Variants in PALLD observed in about 807,000 individuals in gnomAD.
PALLD encodes palladin.
PALLD carries 61 observed loss-of-function variants against 123.5 expected under a neutral mutation model. That is an observed-to-expected ratio of 0.49 (90% CI 0.40 to 0.61). The LOEUF (loss-of-function observed/expected upper bound fraction) is 0.61, where lower values mean the gene tolerates loss of function less well. PALLD is among the 20% of genes least tolerant of loss of function. The probability of loss-of-function intolerance (pLI) is 0.00; values close to 1 mark genes in which losing one functional copy is unlikely to be tolerated. For missense variants in PALLD, 1,273 were observed against 1,377.0 expected, an observed-to-expected ratio of 0.92 and a Z score of 1.20; for synonymous variants, 465 against 496.4, an observed-to-expected ratio of 0.94 and a Z score of 0.84.
Position 168,711,766 on chromosome 4 carries a change from T to G in PALLD, c.1807T>G (p.Phe603Val), listed in dbSNP as rs1489877952. The G allele has an allele frequency of 1.2e-6, 2 of 1,613,992 alleles. No homozygotes were observed. Among genetic ancestry groups the G allele is most frequent in the Non-Finnish European group, 1.7e-6 (2 of 1,180,036 alleles). ...GAGCAGGGCAGCCCTTCAAATGCAA[T>G]TCAATGCTGCTGAGAGGGAAACGAA... is the stretch of plus-strand genomic sequence containing the variant. ...GLSRAALQMQ[F>V]NAAERETNGV... The change falls in exon 10 of 22, where the codon TTC (phenylalanine) becomes GTC (valine). Residue 603 changes from phenylalanine to valine, a missense_variant. By Grantham distance (50) the Phe-to-Val change is conservative. Around this residue, in one of 2 missense-constraint regions of PALLD, gnomAD observed 944 missense variants for 954.5 expected, o/e 0.99. Transcript: ENST00000505667.
chr4:168,657,244 CT>C (rs1194605058), intron 2 of PALLD, among the ~76,000 whole-genome samples: 2 of 152,212 alleles, frequency 1.3e-5, no homozygotes, highest in Non-Finnish European at 2.9e-5. Flanking sequence ...TGGCACAGAG[CT>C]CTAAAAAGTT....
At chr4:168,841,177 G>A (rs555878190) in intron 10 of PALLD, among the ~76,000 whole-genome samples, 2 of 152,300 alleles carry the variant, frequency 1.3e-5, no homozygotes, top group East Asian at 1.9e-4. Context: ...GAATTAACAT[G>A]TATAAAGGTT....
intron 10 of PALLD, among the ~76,000 whole-genome samples, chr4:168,835,731 C>T (rs1745086572): frequency 1.3e-5 from 2 of 152,022 alleles, no homozygotes; most frequent in Admixed American, 6.6e-5. Flanking sequence ...CATAGTCTCG[C>T]TCTGTCACCC....
chr4:168,681,095 G>A (rs146614118), intron 3 of PALLD, among the ~76,000 whole-genome samples: 1 of 152,206 alleles, frequency 6.6e-6, no homozygotes, highest in Non-Finnish European at 1.5e-5. Flanking sequence ...TAATAAATCT[G>A]TCATTAAAAG....
intron 10 of PALLD, among the ~76,000 whole-genome samples, chr4:168,823,063 A>G (rs567632684): frequency 6.6e-6 from 1 of 152,216 alleles, no homozygotes; most frequent in East Asian, 1.9e-4. Context: ...ATTATATTTT[A>G]TAGTTGTATT....
chr4:168,873,183 A>G (rs796499485), intron 10 of PALLD, among the ~76,000 whole-genome samples: 56 of 152,312 alleles, frequency 3.7e-4, no homozygotes, highest in African/African-American at 1.3e-3. Context: ...AGAAATTTAT[A>G]TCATTGTTGT....
intron 2 of PALLD, among the ~76,000 whole-genome samples, chr4:168,560,621 GT>G (rs1453771090): frequency 1.8e-4 from 27 of 152,298 alleles, no homozygotes; most frequent in Non-Finnish European, 1.6e-4. Flanking sequence ...AGCAGTCTCT[GT>G]CCCCATAGTA....
chr4:168,881,882 G>T (rs994456067), intron 10 of PALLD, among the ~76,000 whole-genome samples: 1 of 152,180 alleles, frequency 6.6e-6, no homozygotes, highest in African/African-American at 2.4e-5. Context: ...CAGGCATAGT[G>T]TGGCAGTTCT....
At chr4:168,540,637 T>A (rs1472996413) in intron 2 of PALLD, among the ~76,000 whole-genome samples, 1 of 152,222 alleles carries the variant, frequency 6.6e-6, no homozygotes, top group East Asian at 1.9e-4. Context: ...TTTACATTCT[T>A]CTTTATTTTT....
At chr4:168,740,079 A>G (rs983180544) in intron 10 of PALLD, among the ~76,000 whole-genome samples, 1 of 152,154 alleles carries the variant, frequency 6.6e-6, no homozygotes, top group Non-Finnish European at 1.5e-5. Flanking sequence ...AAAAAATGAC[A>G]CATGCCATTT....
intron 17 of PALLD, among the ~76,000 whole-genome samples, chr4:168,919,340 A>G (rs1454911498): frequency 6.6e-6 from 1 of 152,098 alleles, no homozygotes; most frequent in Non-Finnish European, 1.5e-5. Context: ...CCTGGCCAAC[A>G]TGGTGAAACC....
rs1322849372 is a variant in PALLD, at chr4:168,511,885, G to A, written c.381G>A (p.Leu127=). ...VSKRKPAMSP[L]LTRPSYIRSL... ...AGAGGAAACCTGCCATGTCACCCCT[G>A]CTCACCAGGCCCAGCTACATCCGGA... Residue 127 remains leucine, a synonymous_variant, in exon 2 of 22, where the codon CTG becomes CTA. Transcript: ENST00000505667. The A allele has an allele frequency of 6.2e-7, 1 of 1,614,108 alleles. No individual in the cohort carries two copies. Among genetic ancestry groups the A allele is most frequent in the South Asian group, 1.1e-5 (1 of 91,082 alleles).
intron 2 of PALLD, among the ~76,000 whole-genome samples, chr4:168,554,116 G>A (rs1465214661): frequency 6.6e-6 from 1 of 152,098 alleles, no homozygotes; most frequent in Non-Finnish European, 1.5e-5. Flanking sequence ...GACATCCTTC[G>A]GCTTGTACAT....
chr4:168,860,066 T>C (rs1020351982), intron 10 of PALLD, among the ~76,000 whole-genome samples: 1 of 152,224 alleles, frequency 6.6e-6, no homozygotes, highest in Non-Finnish European at 1.5e-5. Flanking sequence ...GCTACCATAG[T>C]GGGACAGTGC....
At chr4:168,748,862 T>C (rs1400188600) in intron 10 of PALLD, among the ~76,000 whole-genome samples, 1 of 152,232 alleles carries the variant, frequency 6.6e-6, no homozygotes, top group East Asian at 1.9e-4. Flanking sequence ...TGCTGCTTCT[T>C]CAAGGCTTTC....
chr4:168,805,156 GAA>G (rs11311537), intron 10 of PALLD, among the ~76,000 whole-genome samples: 49 of 147,494 alleles, frequency 3.3e-4, no homozygotes, highest in African/African-American at 8.7e-4. Context: ...AAACTCTAAA[GAA>G]AAAAAAAAAG....
rs1554088403 is a variant in PALLD at position 168,816,413 on chromosome 4, A to ATTTT, written c.1965-74504_1965-74501dup. Among the ~76,000 whole-genome samples, 138 of 135,990 alleles carry ATTTT rather than the reference A, an allele frequency of 1.0e-3. 1 individual carries two copies. Among genetic ancestry groups the ATTTT allele is most frequent in the African/African-American group, 2.9e-3 (96 of 33,186 alleles). 89.2% of individuals were successfully genotyped at this position (135,990 alleles called of 152,430 possible). On this transcript the variant is annotated intron_variant, in intron 10 of 21. Transcript: ENST00000505667. ...TGTATATATATATATATATATATATATTTTTTTTAAGTATTAGATTGGAGT... is the reference window on the plus strand; with the variant it reads ...TGTATATATATATATATATATATATATTTTTTTTTTTTAAGTATTAGATTGGAGT...
chr4:168,921,713 C>G lies in PALLD; in HGVS notation c.3030C>G (p.Asn1010Lys). The G allele has an allele frequency of 6.2e-7, 1 of 1,611,612 alleles. No homozygotes were observed. The highest frequency in any genetic ancestry group is 1.1e-5 in the South Asian group (1 of 90,964). ...TAGCTACCAACCGAGCAGGACAGAA[C>G]TCATTCAGCCTGGAGCTTGTGGTTG... ...TCIATNRAGQ[N>K]SFSLELVVAA... Residue 1010 changes from asparagine (N) to lysine (K), a missense_variant, in exon 18 of 22, where the codon AAC (asparagine) becomes AAG (lysine). Around this residue, in one of 2 missense-constraint regions of PALLD, gnomAD observed 329 missense variants for 422.5 expected, o/e 0.78. Transcript: ENST00000505667.
chr4:168,593,440 A>AAAAAAAAAAAAAAAAAAAAG (rs1554047277), intron 2 of PALLD, among the ~76,000 whole-genome samples: 1 of 140,890 alleles, frequency 7.1e-6, no homozygotes, highest in African/African-American at 2.8e-5. Context: ...ACCAGGCAAA[A>AAAAAAAAAAAAAAAAAAAAG]AAAAAAGAAA....
Sources: gnomAD v4.1 joint callset for allele counts (sites outside exome capture counted in the v4.1 genomes callset) on GRCh38, gnomAD v4.1.1 for gene constraint, gnomAD v4.1.1 regional missense constraint, MANE v1.5 for transcripts, NCBI Gene and HGNC (gene_info 2026-07-23, HGNC 2026-07-21) for gene names.